Variants in DNAJC6 observed in about 807,000 individuals in gnomAD.
DNAJC6 encodes auxilin.
DNAJC6 carries 34 observed loss-of-function variants against 110.0 expected under a neutral mutation model. The ratio of observed to expected loss-of-function variants is 0.31; its 90% CI spans 0.24 to 0.41. The LOEUF (loss-of-function observed/expected upper bound fraction) is 0.41. Ranked by LOEUF, DNAJC6 falls within the 10% of genes least tolerant of loss-of-function variation. DNAJC6 has a pLI of 1.00. For synonymous variants in DNAJC6, 406 were observed against 437.2 expected (o/e 0.93, Z 0.89); for missense variants, 1,031 against 1,207.8 (o/e 0.85, Z 2.17).
chr1:65,309,586 A>C lies in DNAJC6; in HGVS notation c.-160A>C. On this transcript the variant is annotated 5_prime_UTR_variant, in exon 1 of 19. Transcript: ENST00000371069. ...GGCGGCGGCTTCGCCTCGCCCGGCGAAGCTTCTCTCCGGTGGCCGCTCCTT... is the reference window on the plus strand; with the variant it reads ...GGCGGCGGCTTCGCCTCGCCCGGCGCAGCTTCTCTCCGGTGGCCGCTCCTT... The C allele has an allele frequency of 1.7e-6, 2 of 1,156,946 alleles. No homozygotes were observed. The highest frequency in any genetic ancestry group is 2.1e-6 in the Non-Finnish European group (2 of 939,074). The allele number at this position is 1,156,946 out of a possible 1,614,324, so 71.7% of individuals were successfully genotyped here.
chr1:65,296,797 A>C (rs889382949), intron 1 of DNAJC6, among the ~76,000 whole-genome samples: 1 of 152,042 alleles, frequency 6.6e-6, no homozygotes, highest in African/African-American at 2.4e-5. Context: ...CATGTTGGCC[A>C]GGCTGGTCTT....
Position 65,395,035 on chromosome 1 carries a change from A to G in DNAJC6, c.2038+3A>G, listed in dbSNP as rs961974767. The G allele has an allele frequency of 6.2e-7, 1 of 1,602,646 alleles. No homozygotes were observed. On this transcript the variant is annotated splice_donor_region_variant and intron_variant, in intron 13 of 18. Coordinates refer to ENST00000371069, the MANE Select transcript of DNAJC6 (RefSeq NM_001256864.2). The stretch of plus-strand genomic sequence containing the variant: ...AAGTCCTTCGCCCACAGTACATGGT[A>G]AGGAAATATTTTATATTGTGTTCAG...
intron 4 of DNAJC6, among the ~76,000 whole-genome samples, chr1:65,378,571 C>T (rs374637071): frequency 6.6e-6 from 1 of 152,226 alleles, no homozygotes; most frequent in East Asian, 1.9e-4. Flanking sequence ...CTCTAAGCTT[C>T]TCCTTGTTGT....
intron 1 of DNAJC6, among the ~76,000 whole-genome samples, chr1:65,317,414 C>T (rs1045330178): frequency 1.3e-5 from 2 of 152,196 alleles, no homozygotes; most frequent in Non-Finnish European, 1.5e-5. Flanking sequence ...ATTTCTACTA[C>T]CTTTAGTTGC....
chr1:65,366,391 A>G (rs1337251978), intron 4 of DNAJC6, among the ~76,000 whole-genome samples, 195 bp downstream of exon 4: 1 of 152,192 alleles, frequency 6.6e-6, no homozygotes, highest in Non-Finnish European at 1.5e-5. Context: ...GGATACTTAC[A>G]GGAAAGTGTA....
intron 16 of DNAJC6, among the ~76,000 whole-genome samples, chr1:65,407,842 A>G (rs897274531): frequency 6.6e-6 from 1 of 152,198 alleles, no homozygotes; most frequent in South Asian, 2.1e-4. Flanking sequence ...GAGATAGCAA[A>G]TGGTTTTCAA....
chr1:65,299,572 C>G (rs1190626261), intron 1 of DNAJC6, among the ~76,000 whole-genome samples: 1 of 152,202 alleles, frequency 6.6e-6, no homozygotes, highest in African/African-American at 2.4e-5. Context: ...AGATAGCATT[C>G]ATTGAACCCT....
At chr1:65,357,060 T>C (rs563632942) in intron 1 of DNAJC6, among the ~76,000 whole-genome samples, 69 of 152,332 alleles carry the variant, frequency 4.5e-4, no homozygotes, top group Non-Finnish European at 8.4e-4. Context: ...TTTGTGATAA[T>C]GACACGAGTT....
upstream of DNAJC6, among the ~76,000 whole-genome samples, chr1:65,305,944 A>G (rs1374244970): frequency 1.3e-5 from 2 of 152,174 alleles, no homozygotes; most frequent in Non-Finnish European, 2.9e-5. Flanking sequence ...TCTTACTATA[A>G]CCTTATTATG....
intron 1 of DNAJC6, among the ~76,000 whole-genome samples, chr1:65,278,583 G>A (rs1653748806): frequency 6.6e-6 from 1 of 152,124 alleles, no homozygotes; most frequent in Admixed American, 6.5e-5. Context: ...GAAAATTCCT[G>A]GAGCTCAGCA....
chr1:65,355,864 T>C (rs551793299), intron 1 of DNAJC6, among the ~76,000 whole-genome samples: 1 of 146,064 alleles, frequency 6.8e-6, no homozygotes, highest in Admixed American at 6.9e-5. Context: ...TTGTTAACCC[T>C]GAAATGGAAC....
chr1:65,364,026 G>A (rs1332383921), intron 1 of DNAJC6, among the ~76,000 whole-genome samples: 1 of 152,012 alleles, frequency 6.6e-6, no homozygotes, highest in African/African-American at 2.4e-5. Context: ...CTTCATCAGA[G>A]GGCCGAGGAG....
At position 65,398,385 on chromosome 1, in the gene DNAJC6, T is replaced by G. The variant is rs189740334; in HGVS notation, c.2039-428T>G. ...TACTTAATGCTTAGCAAAGGTAAAC[T>G]GAGCTTAAGGTGTTTTCCCCCTTTT... On this transcript the variant is annotated intron_variant, in intron 13 of 18. Transcript: ENST00000371069. Among the ~76,000 whole-genome samples the G allele has an allele frequency of 1.8e-4, 28 of 152,334 alleles. No individual in the cohort carries two copies. The East Asian group carries it at 4.2e-3, about 23-fold the overall frequency.
chr1:65,357,770 G>C (rs1386805312), intron 1 of DNAJC6, among the ~76,000 whole-genome samples: 1 of 152,214 alleles, frequency 6.6e-6, no homozygotes, highest in African/African-American at 2.4e-5. Flanking sequence ...GCTGTGAACT[G>C]TGATGAATCA....
chr1:65,321,025 G>A (rs1645192873), intron 1 of DNAJC6, among the ~76,000 whole-genome samples: 1 of 152,196 alleles, frequency 6.6e-6, no homozygotes, highest in Non-Finnish European at 1.5e-5. Flanking sequence ...TAGTGAACTA[G>A]GAGGGCATGG....
intron 1 of DNAJC6, among the ~76,000 whole-genome samples, chr1:65,291,743 A>G (rs1644876575): frequency 6.6e-6 from 1 of 152,182 alleles, no homozygotes; most frequent in Non-Finnish European, 1.5e-5. Flanking sequence ...TATCATTCAT[A>G]AAGCAATTCT....
Position 65,379,392 on chromosome 1 carries a change from G to C in DNAJC6, c.544-10G>C. ...GGAGGAATTAATTTCCTTTTGCTGT[G>C]CTCCCTTAGGTCTCAGAATGCAGTT... On this transcript the variant is annotated splice_polypyrimidine_tract_variant and intron_variant, in intron 4 of 18. Coordinates refer to ENST00000371069, the MANE Select transcript of DNAJC6 (RefSeq NM_001256864.2). 1 of 1,613,516 alleles carries C rather than the reference G, an allele frequency of 6.2e-7. No individual in the cohort carries two copies. Among genetic ancestry groups the C allele is most frequent in the Non-Finnish European group, 8.5e-7 (1 of 1,179,738 alleles).
At chr1:65,388,468 C>T (rs948540664) in intron 9 of DNAJC6, 53 bp downstream of exon 9, 20 of 1,537,914 alleles carry the variant, frequency 1.3e-5, no homozygotes, top group Non-Finnish European at 1.7e-5. Context: ...CTGTGAAGTG[C>T]TGAGGCTCAA....
chr1:65,296,643 A>G lies in DNAJC6; in HGVS notation c.-131+31711A>G, dbSNP rs576848216. 8.5e-4 allele frequency among the ~76,000 whole-genome samples: 121 copies of G among 141,680 alleles called. 1 individual carries two copies. Among genetic ancestry groups the G allele is most frequent in the African/African-American group, 2.8e-3 (104 of 37,536 alleles). The allele number at this position is 141,680 out of a possible 152,430, so 92.9% of individuals were successfully genotyped here. A position where few individuals can be genotyped will look rare whatever the true frequency, so the allele number is the denominator to read the frequency against. ...AGCTCTGTCACTCAGGCTGGAGTGCAGTGGCGCGATCTTAGCTCACTGCAA... is the reference window on the plus strand; with the variant it reads ...AGCTCTGTCACTCAGGCTGGAGTGCGGTGGCGCGATCTTAGCTCACTGCAA... On this transcript the variant is annotated intron_variant, in intron 1 of 19. Coordinates refer to the DNAJC6 transcript ENST00000263441.
Sources: gnomAD v4.1 joint callset for allele counts (sites outside exome capture counted in the v4.1 genomes callset) on GRCh38, gnomAD v4.1.1 for gene constraint, MANE v1.5 for transcripts, NCBI Gene and HGNC (gene_info 2026-07-23, HGNC 2026-07-21) for gene names.